THSD7B: variants seen among roughly 807,000 people sequenced by gnomAD.
THSD7B encodes the protein thrombospondin type 1 domain containing 7B.
In THSD7B, 138 loss-of-function variants were observed where a neutral mutation model predicts 213.6. The ratio of observed to expected loss-of-function variants is 0.65; its 90% CI spans 0.56 to 0.74. The LOEUF (loss-of-function observed/expected upper bound fraction) is 0.74, where lower values mean the gene tolerates loss of function less well. Ranked by LOEUF, THSD7B falls within the 30% of genes least tolerant of loss-of-function variation. THSD7B has a pLI of 0.00. For synonymous variants in THSD7B, 742 were observed against 687.0 expected (o/e 1.08, Z -1.25); for missense variants, 1,931 against 1,991.5 (o/e 0.97, Z 0.58).
intron 12 of THSD7B, among the ~76,000 whole-genome samples, chr2:137,358,135 A>T (rs546897155): frequency 6.6e-6 from 1 of 152,312 alleles, no homozygotes; most frequent in African/African-American, 2.4e-5. Flanking sequence ...ATATTAGAAA[A>T]CAAATAAGAT....
chr2:137,167,905 T>C (rs1680168821), intron 6 of THSD7B, among the ~76,000 whole-genome samples: 1 of 152,180 alleles, frequency 6.6e-6, no homozygotes, highest in Admixed American at 6.5e-5. Context: ...GAAAACACAA[T>C]ATCCACAGGA....
intron 2 of THSD7B, among the ~76,000 whole-genome samples, chr2:136,889,277 T>G (rs1331262311): frequency 6.6e-6 from 1 of 152,192 alleles, no homozygotes. Flanking sequence ...ACCTTCCAGT[T>G]CATTTACATA....
chr2:136,893,339 T>C (rs899860556), intron 2 of THSD7B, among the ~76,000 whole-genome samples: 4 of 152,208 alleles, frequency 2.6e-5, no homozygotes, highest in African/African-American at 9.6e-5. Flanking sequence ...ATATGGGAAA[T>C]ATTCTGCCTC....
chr2:137,108,137 C>A (rs1688289312), intron 4 of THSD7B, among the ~76,000 whole-genome samples: 1 of 152,134 alleles, frequency 6.6e-6, no homozygotes, highest in Non-Finnish European at 1.5e-5. Context: ...CAAAACATGA[C>A]CATTAACTAA....
At chr2:136,869,396 A>G (rs949281969) in intron 1 of THSD7B, among the ~76,000 whole-genome samples, 1 of 152,346 alleles carries the variant, frequency 6.6e-6, no homozygotes, top group East Asian at 1.9e-4. Context: ...CTCAATTTAA[A>G]TAATTTCCAT....
intron 1 of THSD7B, among the ~76,000 whole-genome samples, chr2:136,840,745 G>A (rs1682909000): frequency 6.6e-6 from 1 of 152,142 alleles, no homozygotes; most frequent in South Asian, 2.1e-4. Context: ...CAGGGAACTT[G>A]CTCTGGATGG....
chr2:136,782,001 T>TA (rs906140036), intron 1 of THSD7B, among the ~76,000 whole-genome samples: 4 of 152,192 alleles, frequency 2.6e-5, no homozygotes, highest in Non-Finnish European at 5.9e-5. Context: ...GGCACAGCAT[T>TA]AAAAAACTTC....
At chr2:137,572,278 C>T in intron 16 of THSD7B, 128 bp from the exon 17 acceptor site, 1 of 1,140,234 alleles carries the variant, frequency 8.8e-7, no homozygotes, top group Non-Finnish European at 1.2e-6. Context: ...AGTTTTGTTC[C>T]CCTTGGTTTC....
intron 12 of THSD7B, among the ~76,000 whole-genome samples, chr2:137,374,073 C>T (rs897768818): frequency 6.6e-6 from 1 of 151,872 alleles, no homozygotes; most frequent in African/African-American, 2.4e-5. Context: ...TGTTTTGGTA[C>T]CAGTACCATG....
rs1240194305 is a variant in THSD7B at position 137,284,900 on chromosome 2, T to C, written c.2500+8874T>C. Reference sequence around the variant, plus strand: ...TGTTGATTTGGGGTGGAGAGTTCTGTAGATGTCTATTAGGTCCACTTTGTG... The same window carrying C: ...TGTTGATTTGGGGTGGAGAGTTCTGCAGATGTCTATTAGGTCCACTTTGTG... On this transcript the variant is annotated intron_variant, in intron 12 of 27. Transcript: ENST00000409968. 2.6e-5 allele frequency among the ~76,000 whole-genome samples: 4 copies of C among 152,298 alleles called. No homozygotes were observed. The South Asian group carries it at 6.3e-4, about 24-fold the overall frequency.
chr2:137,022,767 T>C (rs1030237478), intron 2 of THSD7B, among the ~76,000 whole-genome samples: 3 of 152,142 alleles, frequency 2.0e-5, no homozygotes, highest in African/African-American at 7.2e-5. Context: ...AGCCTTGTTT[T>C]ATTTAGTGCA....
intron 12 of THSD7B, among the ~76,000 whole-genome samples, chr2:137,326,303 C>T (rs1684372910): frequency 6.6e-6 from 1 of 152,142 alleles, no homozygotes. Flanking sequence ...TATAACAATA[C>T]ATGAACATGC....
chr2:137,642,323 T>C (rs1682954372), intron 20 of THSD7B, 165 bp from the exon 21 acceptor site: 2 of 763,382 alleles, frequency 2.6e-6, no homozygotes, highest in African/African-American at 3.5e-5. Flanking sequence ...ATAGCCTGTG[T>C]CTCTGTGGAA....
At chr2:137,304,317 A>G (rs554563144) in intron 12 of THSD7B, among the ~76,000 whole-genome samples, 4 of 152,328 alleles carry the variant, frequency 2.6e-5, no homozygotes, top group South Asian at 4.2e-4. Context: ...AAAAATATCT[A>G]TCAAGCAATG....
rs1370943059 is a variant in THSD7B, at chr2:137,278,094, ACT to A, written c.2500+2071_2500+2072del. Among the ~76,000 whole-genome samples the A allele has an allele frequency of 2.0e-5, 3 of 152,030 alleles. 1 individual carries two copies. Among genetic ancestry groups the A allele is most frequent in the Non-Finnish European group, 4.4e-5 (3 of 67,994 alleles). On this transcript the variant is annotated intron_variant, in intron 12 of 27. Coordinates refer to ENST00000409968, the MANE Select transcript of THSD7B (RefSeq NM_001316349.2). ...GAATGTCTGAATAAGGAATTATGAG[ACT>A]CTGATTTCCTCTGAACATTAAACTG...
At chr2:136,783,766 G>A (rs1681789329) in intron 1 of THSD7B, among the ~76,000 whole-genome samples, 2 of 152,340 alleles carry the variant, frequency 1.3e-5, no homozygotes, top group South Asian at 4.1e-4. Flanking sequence ...CAGAGGAGAG[G>A]AAGAGTAAGG....
chr2:137,313,763 T>C (rs1012791690), intron 12 of THSD7B, among the ~76,000 whole-genome samples: 3 of 152,202 alleles, frequency 2.0e-5, no homozygotes, highest in Admixed American at 1.3e-4. Context: ...CCTTCACTTA[T>C]GAAGCTTAGT....
At chr2:137,260,723 C>A (rs1488205132) in intron 10 of THSD7B, among the ~76,000 whole-genome samples, 2 of 152,136 alleles carry the variant, frequency 1.3e-5, no homozygotes, top group African/African-American at 4.8e-5. Context: ...TATGATCTTG[C>A]CACTGCATTC....
At position 137,583,073 on chromosome 2, in the gene THSD7B, C is replaced by T. The variant is rs192018323; in HGVS notation, c.3423+10517C>T. ...GATATCTCATTGTGGTTTTGATTTG[C>T]ATTTCTCTGATGGCCAGGGATGATG... On this transcript the variant is annotated intron_variant, in intron 17 of 27. Transcript: ENST00000409968. 5.9e-3 allele frequency among the ~76,000 whole-genome samples: 900 copies of T among 152,312 alleles called. 10 individuals carry two copies. The highest frequency in any genetic ancestry group is 0.021 in the African/African-American group (857 of 41,562).
Sources: gnomAD v4.1 joint callset for allele counts (sites outside exome capture counted in the v4.1 genomes callset) on GRCh38, gnomAD v4.1.1 for gene constraint, MANE v1.5 for transcripts, NCBI Gene and HGNC (gene_info 2026-07-23, HGNC 2026-07-21) for gene names.